BRAF: variants seen among roughly 807,000 people sequenced by gnomAD.
BRAF encodes the protein B-Raf proto-oncogene, serine/threonine kinase.
A neutral mutation model predicts 104.6 loss-of-function variants in BRAF; 16 were observed. That is an observed-to-expected ratio of 0.15 (90% CI 0.10 to 0.23). BRAF has a LOEUF of 0.23. BRAF is among the 10% of genes least tolerant of loss of function. The pLI, the probability that BRAF is intolerant of heterozygous loss-of-function variation, is 1.00. For missense variants in BRAF, 541 were observed against 937.3 expected (o/e 0.58, Z 5.52); for synonymous variants, 310 against 341.6 (o/e 0.91, Z 1.02).
chr7:140,725,957 C>CA lies in BRAF; in HGVS notation c.*536dup. On this transcript the variant is annotated 3_prime_UTR_variant, in exon 20 of 20. Coordinates refer to ENST00000644969, the MANE Select transcript of BRAF (RefSeq NM_001374258.1). ...TAAAATCTGTCAAGGCCTGAACACG[C>CA]ACCACATAGAAAGGGCAAGCTGCAT... The CA allele has an allele frequency of 9.4e-7, 1 of 1,065,726 alleles. No individual in the cohort carries two copies. The highest frequency in any genetic ancestry group is 1.1e-6 in the Non-Finnish European group (1 of 879,820). 66.0% of individuals were successfully genotyped at this position (1,065,726 alleles called of 1,614,324 possible). A position where few individuals can be genotyped will look rare whatever the true frequency, so the allele number is the denominator to read the frequency against.
chr7:140,869,665 G>C (rs931861114), intron 1 of BRAF, among the ~76,000 whole-genome samples: 2 of 151,554 alleles, frequency 1.3e-5, no homozygotes, highest in African/African-American at 4.8e-5. Flanking sequence ...AAAAATCACT[G>C]TTGTCCAGAT....
intron 19 of BRAF, chr7:140,733,144 G>GT (rs1796110453): frequency 6.6e-6 from 1 of 152,080 alleles, no homozygotes; most frequent in South Asian, 2.1e-4. Flanking sequence ...AAGATTTGCC[G>GT]TAATTATTAT....
chr7:140,888,557 G>A (rs377185958), intron 1 of BRAF, among the ~76,000 whole-genome samples: 7 of 152,022 alleles, frequency 4.6e-5, no homozygotes, highest in Admixed American at 2.0e-4. Flanking sequence ...ATGATCTAGC[G>A]CGGGTGCAGT....
chr7:140,839,382 T>C (rs1007029118), intron 2 of BRAF, among the ~76,000 whole-genome samples: 2 of 152,134 alleles, frequency 1.3e-5, no homozygotes, highest in Admixed American at 6.5e-5. Context: ...TAAGAAAAAG[T>C]TTAATTATTT....
intron 10 of BRAF, 71 bp from the exon 10 acceptor site, chr7:140,783,228 T>C (rs1801049068): frequency 3.2e-6 from 5 of 1,563,710 alleles, no homozygotes; most frequent in East Asian, 2.3e-5. Flanking sequence ...GGGTAGAAGG[T>C]TGGGGGATAT....
At chr7:140,777,896 G>T in intron 13 of BRAF, 95 bp downstream of exon 12, 1 of 1,185,882 alleles carries the variant, frequency 8.4e-7, no homozygotes, top group Non-Finnish European at 1.2e-6. Context: ...TTCATTTTGA[G>T]TAAATCTGTA....
intron 1 of BRAF, among the ~76,000 whole-genome samples, chr7:140,872,993 T>C (rs995658068): frequency 1.3e-5 from 2 of 152,082 alleles, no homozygotes; most frequent in African/African-American, 2.4e-5. Context: ...TTCTAAGATA[T>C]ATATAAAAAA....
intron 14 of BRAF, among the ~76,000 whole-genome samples, chr7:140,763,421 C>T (rs1483373507): frequency 3.2e-4 from 49 of 151,676 alleles, no homozygotes; most frequent in Non-Finnish European, 5.0e-4. Context: ...CGGGCAGAGG[C>T]GCCCCTCACC....
intron 17 of BRAF, among the ~76,000 whole-genome samples, chr7:140,744,551 TGGGGA>T (rs1797194598): frequency 6.6e-6 from 1 of 152,244 alleles, no homozygotes; most frequent in Non-Finnish European, 1.5e-5. Context: ...AAGCTGGTCT[TGGGGA>T]CTACTAAACT....
At chr7:140,893,966 T>C (rs1814574641) in intron 1 of BRAF, among the ~76,000 whole-genome samples, 1 of 152,068 alleles carries the variant, frequency 6.6e-6, no homozygotes, top group Non-Finnish European at 1.5e-5. Flanking sequence ...ACCCTGCCTC[T>C]ACAAAAAAAT....
At chr7:140,844,809 C>A (rs1808373660) in intron 2 of BRAF, among the ~76,000 whole-genome samples, 1 of 151,990 alleles carries the variant, frequency 6.6e-6, no homozygotes, top group Non-Finnish European at 1.5e-5. Context: ...GTAATCCCAG[C>A]TACTCAGGAG....
In BRAF at chr7:140,720,442, C is replaced by A; in HGVS notation, c.*6052G>T. ...ATAAGACATAAAGGCTAGCCACTTACGTTGGTCATTAACATGAATAAAAAG... is the reference window on the plus strand; with the variant it reads ...ATAAGACATAAAGGCTAGCCACTTAAGTTGGTCATTAACATGAATAAAAAG... On this transcript the variant is annotated 3_prime_UTR_variant, in exon 20 of 20. Coordinates refer to ENST00000644969, the MANE Select transcript of BRAF (RefSeq NM_001374258.1). 1 of 1,062,530 alleles carries A rather than the reference C, an allele frequency of 9.4e-7. No individual in the cohort carries two copies. The allele number at this position is 1,062,530 out of a possible 1,614,324, so 65.8% of individuals were successfully genotyped here.
chr7:140,841,014 C>A (rs1359892339), intron 2 of BRAF, among the ~76,000 whole-genome samples: 1 of 151,888 alleles, frequency 6.6e-6, no homozygotes, highest in African/African-American at 2.4e-5. Flanking sequence ...CATGCCTGGC[C>A]TAAAGAACTC....
chr7:140,921,737 C>T (rs1818247604), intron 1 of BRAF, among the ~76,000 whole-genome samples: 1 of 151,516 alleles, frequency 6.6e-6, no homozygotes, highest in African/African-American at 2.4e-5. Flanking sequence ...TTGATAATGA[C>T]TTGCTTTCCC....
intron 3 of BRAF, among the ~76,000 whole-genome samples, chr7:140,819,949 G>A (rs1201415024): frequency 6.6e-6 from 1 of 152,094 alleles, no homozygotes; most frequent in African/African-American, 2.4e-5. Context: ...TACTTTAAAT[G>A]GGTAAATTGT....
At chr7:140,863,630 C>T (rs1474926431) in intron 1 of BRAF, among the ~76,000 whole-genome samples, 1 of 152,184 alleles carries the variant, frequency 6.6e-6, no homozygotes, top group African/African-American at 2.4e-5. Context: ...GTGACTAGAT[C>T]ATGGGGGTGG....
At chr7:140,908,600 A>C (rs1024215020) in intron 1 of BRAF, among the ~76,000 whole-genome samples, 3 of 152,142 alleles carry the variant, frequency 2.0e-5, no homozygotes, top group Admixed American at 2.0e-4. Flanking sequence ...GTGAAGGCTA[A>C]AACTGTGGTC....
intron 1 of BRAF, among the ~76,000 whole-genome samples, chr7:140,891,612 G>A (rs777978133): frequency 7.9e-5 from 12 of 152,082 alleles, no homozygotes; most frequent in Non-Finnish European, 1.8e-4. Flanking sequence ...ATTTTGGGTG[G>A]GGCAATTCTT....
At chr7:140,732,535 AAG>A (rs1796062949) in intron 19 of BRAF, 1 of 152,140 alleles carries the variant, frequency 6.6e-6, no homozygotes, top group Non-Finnish European at 1.5e-5. Flanking sequence ...CCTAATTTAA[AAG>A]AGAGAGTAGA....
Sources: gnomAD v4.1 joint callset for allele counts (sites outside exome capture counted in the v4.1 genomes callset) on GRCh38, gnomAD v4.1.1 for gene constraint, MANE v1.5 for transcripts, NCBI Gene and HGNC (gene_info 2026-07-23, HGNC 2026-07-21) for gene names.